RPS6KA5: variants seen among roughly 807,000 people sequenced by gnomAD.
RPS6KA5 encodes the protein ribosomal protein S6 kinase alpha-5.
A neutral mutation model predicts 85.5 loss-of-function variants in RPS6KA5; 27 were observed. The observed-to-expected ratio is 0.32, with a 90% CI of 0.23 to 0.44. The LOEUF is 0.44. Ranked by LOEUF, RPS6KA5 falls within the 20% of genes least tolerant of loss-of-function variation. RPS6KA5 has a pLI of 1.00. For missense variants in RPS6KA5, 811 were observed against 980.9 expected (o/e 0.83, Z 2.31); for synonymous variants, 334 against 348.2 (o/e 0.96, Z 0.46).
At chr14:90,925,262 T>C (rs1595230850) in intron 5 of RPS6KA5, among the ~76,000 whole-genome samples, 2 of 152,272 alleles carry the variant, frequency 1.3e-5, no homozygotes, top group East Asian at 3.9e-4. Context: ...CCTGTGAGGA[T>C]AAACGATGAG....
At chr14:90,956,315 T>C (rs373245828) in intron 3 of RPS6KA5, among the ~76,000 whole-genome samples, 5 of 152,296 alleles carry the variant, frequency 3.3e-5, no homozygotes, top group African/African-American at 1.2e-4. Context: ...TTTAAAAATA[T>C]CTGTTTTGTC....
intron 5 of RPS6KA5, among the ~76,000 whole-genome samples, chr14:90,941,426 T>C (rs886826830): frequency 2.0e-5 from 3 of 152,206 alleles, no homozygotes; most frequent in Non-Finnish European, 4.4e-5. Context: ...AGTGAAGTGC[T>C]AGAAAGCCGC....
rs1228774743 is a variant in RPS6KA5, at chr14:90,854,122, T to A, written c.*17952A>T. 1 of 152,176 alleles carries A rather than the reference T, an allele frequency of 6.6e-6. No individual in the cohort carries two copies. Among genetic ancestry groups the A allele is most frequent in the Non-Finnish European group, 1.5e-5 (1 of 68,020 alleles). The allele number at this position is 152,176 out of a possible 1,614,324, so 9.4% of individuals were successfully genotyped here. ...AAATAGAATATTTTTTCCTCTAAAC[T>A]AAGATATCTGTTTATATAGACTATT... On this transcript the variant is annotated 3_prime_UTR_variant, in exon 17 of 17. Coordinates refer to ENST00000614987, the MANE Select transcript of RPS6KA5 (RefSeq NM_004755.4).
chr14:90,906,881 T>C (rs1433590668), intron 7 of RPS6KA5, among the ~76,000 whole-genome samples: 3 of 151,864 alleles, frequency 2.0e-5, no homozygotes, highest in Non-Finnish European at 4.4e-5. Context: ...GGGATTTTCA[T>C]GGGGTAAAAG....
chr14:90,904,160 AG>A (rs925722202), intron 8 of RPS6KA5, among the ~76,000 whole-genome samples: 2 of 152,140 alleles, frequency 1.3e-5, no homozygotes, highest in Non-Finnish European at 2.9e-5. Context: ...TGTGTTAGCC[AG>A]GATGGTCTCG....
intron 13 of RPS6KA5, among the ~76,000 whole-genome samples, chr14:90,892,410 C>T (rs569863062): frequency 6.6e-6 from 1 of 152,310 alleles, no homozygotes; most frequent in South Asian, 2.1e-4. Flanking sequence ...AGAAACACTG[C>T]TCACTTGCCT....
chr14:90,900,447 G>T (rs2035101536), intron 10 of RPS6KA5, among the ~76,000 whole-genome samples, 164 bp downstream of exon 10: 1 of 152,056 alleles, frequency 6.6e-6, no homozygotes. Context: ...GTAAAAAGAA[G>T]TTCATTCAAC....
chr14:90,914,264 T>A (rs952107854), intron 7 of RPS6KA5, among the ~76,000 whole-genome samples: 1 of 151,100 alleles, frequency 6.6e-6, no homozygotes, highest in South Asian at 2.1e-4. Flanking sequence ...AGACTGATGA[T>A]GTTTCTGATG....
intron 1 of RPS6KA5, among the ~76,000 whole-genome samples, chr14:91,004,848 G>A (rs576260167): frequency 6.6e-6 from 1 of 151,952 alleles, no homozygotes; most frequent in African/African-American, 2.4e-5. Flanking sequence ...GGCGCCTGTA[G>A]TCCCAGCTCC....
At chr14:90,965,887 C>T (rs1238310106) in intron 3 of RPS6KA5, among the ~76,000 whole-genome samples, 1 of 151,918 alleles carries the variant, frequency 6.6e-6, no homozygotes, top group African/African-American at 2.4e-5. Context: ...GAAGGTAGGG[C>T]TCAGAGGGGA....
chr14:90,904,830 C>T (rs2035413061), intron 8 of RPS6KA5, among the ~76,000 whole-genome samples: 1 of 152,114 alleles, frequency 6.6e-6, no homozygotes, highest in Non-Finnish European at 1.5e-5. Flanking sequence ...TTCCAAGCTA[C>T]TGAAAAGAGA....
At chr14:90,937,039 T>TA (rs1010597458) in intron 5 of RPS6KA5, among the ~76,000 whole-genome samples, 3 of 150,764 alleles carry the variant, frequency 2.0e-5, no homozygotes, top group South Asian at 2.1e-4. Flanking sequence ...GAGTACAGCA[T>TA]AAAAAAAAGA....
At chr14:90,966,915 G>A (rs1004677218) in intron 3 of RPS6KA5, among the ~76,000 whole-genome samples, 5 of 152,108 alleles carry the variant, frequency 3.3e-5, no homozygotes, top group African/African-American at 1.2e-4. Flanking sequence ...TTTCTTGATG[G>A]GCATGTCTCA....
chr14:91,033,691 CTA>C (rs1438921148), intron 1 of RPS6KA5, among the ~76,000 whole-genome samples: 1 of 152,176 alleles, frequency 6.6e-6, no homozygotes, highest in Non-Finnish European at 1.5e-5. Flanking sequence ...ATTAATAAAA[CTA>C]TTTTGAGATA....
In RPS6KA5 at chr14:90,923,119, A is replaced by G. The variant is rs1266958479; in HGVS notation, c.696T>C (p.His232=). Residue 232 remains histidine (H), a synonymous_variant, in exon 6 of 17, where the codon CAT becomes CAC. Transcript: ENST00000614987. ...CATCAAAAATAGAACATACCTTGTCATGTCCTGAATCTCCCCCTCTGACAA... is the reference window on the plus strand; with the variant it reads ...CATCAAAAATAGAACATACCTTGTCGTGTCCTGAATCTCCCCCTCTGACAA... The part of the protein sequence containing the change: ...PDIVRGGDSG[H]DKAVDWWSLG... 3.7e-6 allele frequency: 6 copies of G among 1,606,862 alleles called. No individual in the cohort carries two copies. Among genetic ancestry groups the G allele is most frequent in the Non-Finnish European group, 5.1e-6 (6 of 1,174,088 alleles).
chr14:90,982,358 G>A (rs1595393316), intron 2 of RPS6KA5, among the ~76,000 whole-genome samples: 1 of 152,086 alleles, frequency 6.6e-6, no homozygotes, highest in Non-Finnish European at 1.5e-5. Context: ...ATACTTTGGG[G>A]GTCTGAGATA....
At chr14:91,001,206 A>G (rs1449290481) in intron 1 of RPS6KA5, 47 bp from the exon 2 acceptor site, 4 of 1,242,898 alleles carry the variant, frequency 3.2e-6, no homozygotes, top group Non-Finnish European at 4.7e-6. Flanking sequence ...TCAGCAATAG[A>G]AGGAGGCTCC....
intron 12 of RPS6KA5, 27 bp downstream of exon 12, chr14:90,899,302 G>GAA (rs11380703): frequency 0.032 from 40,416 of 1,268,604 alleles, 10 homozygotes; most frequent in East Asian, 0.039. Context: ...GTACACATGG[G>GAA]AAAAAAAAAA....
At chr14:90,979,534 A>G (rs2039705863) in intron 2 of RPS6KA5, among the ~76,000 whole-genome samples, 1 of 152,344 alleles carries the variant, frequency 6.6e-6, no homozygotes, top group Admixed American at 6.5e-5. Context: ...GGCATTTACC[A>G]CCTAATTCTA....
Sources: allele counts gnomAD v4.1 joint callset (sites outside exome capture counted in the v4.1 genomes callset), GRCh38; gene constraint gnomAD v4.1.1; transcripts MANE v1.5; gene names NCBI Gene and HGNC (gene_info 2026-07-23, HGNC 2026-07-21).